CPEB3: variants seen among roughly 807,000 people sequenced by gnomAD.
The protein encoded by CPEB3 is cytoplasmic polyadenylation element binding protein 3, also known as cytoplasmic polyadenylation element-binding protein 3.
Under a neutral mutation model 67.2 loss-of-function variants are expected in CPEB3, and 20 were observed. The ratio of observed to expected loss-of-function variants is 0.30; its 90% confidence interval spans 0.21 to 0.43. CPEB3 has a LOEUF of 0.43. Ranked by LOEUF, CPEB3 falls within the 20% of genes least tolerant of loss-of-function variation. The pLI is 1.00. For synonymous variants in CPEB3, 376 were observed against 393.1 expected, an observed-to-expected ratio of 0.96 and a Z score of 0.51; for missense variants, 746 against 968.6, an observed-to-expected ratio of 0.77 and a Z score of 3.05.
chr10:92,051,832 T>A lies in CPEB3; in HGVS notation c.*380A>T, dbSNP rs147021258. 9 of 166,032 alleles carry A rather than the reference T, an allele frequency of 5.4e-5. No homozygotes were observed. In the East Asian group the frequency reaches 1.4e-3, roughly 25 times the overall value. 10.3% of individuals were successfully genotyped at this position (166,032 alleles called of 1,614,324 possible). A position where few individuals can be genotyped will look rare whatever the true frequency, so the allele number is the denominator to read the frequency against. On this transcript the variant is annotated 3_prime_UTR_variant, in exon 10 of 10. Transcript: ENST00000265997. ...TCTGAAAATAAGTGCATGCTCCAGT[T>A]CAAAACAATCAGAACAACACCACAA...
chr10:92,155,895 C>T (rs545234530), intron 4 of CPEB3, among the ~76,000 whole-genome samples: 36 of 151,846 alleles, frequency 2.4e-4, no homozygotes, highest in Middle Eastern at 3.4e-3. Flanking sequence ...AAACTATAGG[C>T]GACTTTATAT....
intron 4 of CPEB3, among the ~76,000 whole-genome samples, chr10:92,175,082 CAT>C (rs1376646214): frequency 6.6e-6 from 1 of 151,916 alleles, no homozygotes; most frequent in African/African-American, 2.4e-5. Context: ...AACTAGATGC[CAT>C]CATTACACAT....
At chr10:92,052,757 G>A (rs1198187498) in intron 9 of CPEB3, among the ~76,000 whole-genome samples, 1 of 152,226 alleles carries the variant, frequency 6.6e-6, no homozygotes, top group Non-Finnish European at 1.5e-5. Flanking sequence ...GGGTATAACA[G>A]TGTTTACATC....
intron 1 of CPEB3, among the ~76,000 whole-genome samples, chr10:92,267,035 C>CA (rs369359905): frequency 4.5e-4 from 63 of 140,524 alleles, no homozygotes; most frequent in South Asian, 4.5e-4. Flanking sequence ...ACTTCATCTC[C>CA]AAAAAAAAAA....
At chr10:92,102,256 C>A (rs76176398) in intron 7 of CPEB3, among the ~76,000 whole-genome samples, 395 of 152,266 alleles carry the variant, frequency 2.6e-3, no homozygotes, top group Non-Finnish European at 4.6e-3. Context: ...TTCAGTCAGA[C>A]CTCCGTCAGG....
chr10:92,290,263 T>C (rs1446295686), intron 1 of CPEB3, among the ~76,000 whole-genome samples: 2 of 152,040 alleles, frequency 1.3e-5, no homozygotes, highest in Non-Finnish European at 2.9e-5. Flanking sequence ...AGCCGACAGC[T>C]CTTTCCTCCC....
intron 7 of CPEB3, among the ~76,000 whole-genome samples, chr10:92,097,029 G>A (rs908239921): frequency 6.6e-6 from 1 of 152,134 alleles, no homozygotes; most frequent in African/African-American, 2.4e-5. Flanking sequence ...CTTATGGTAG[G>A]GGTCACACAA....
intron 7 of CPEB3, among the ~76,000 whole-genome samples, chr10:92,102,505 C>A (rs1201749896): frequency 1.3e-5 from 2 of 152,224 alleles, no homozygotes; most frequent in Non-Finnish European, 2.9e-5. Context: ...CATCACCAGG[C>A]TGCAGAGCCT....
chr10:92,059,631 A>G (rs1842261664), intron 9 of CPEB3, among the ~76,000 whole-genome samples: 1 of 152,178 alleles, frequency 6.6e-6, no homozygotes, highest in Non-Finnish European at 1.5e-5. Flanking sequence ...CAGAGTAGAA[A>G]TAAAATGCAA....
intron 2 of CPEB3, chr10:92,216,743 G>A: frequency 6.2e-7 from 1 of 1,609,476 alleles, no homozygotes; most frequent in Non-Finnish European, 8.5e-7. Context: ...GTACCAGGAG[G>A]CTTACGACGA....
intron 4 of CPEB3, among the ~76,000 whole-genome samples, chr10:92,178,704 T>TA (rs1290205360): frequency 6.6e-6 from 1 of 151,964 alleles, no homozygotes; most frequent in Non-Finnish European, 1.5e-5. Context: ...ATACATATTT[T>TA]AAAAAAGAAG....
In CPEB3 at chr10:92,191,410, TA is replaced by T. The variant is rs199904338; in HGVS notation, c.1165+1066del. ...AATAAAAAATAAAAAAAATAAAAAATAAAAAAAAAATAAACTCACTTTCCCC... is the reference window on the plus strand; with the variant it reads ...AATAAAAAATAAAAAAAATAAAAAATAAAAAAAAATAAACTCACTTTCCCC... On this transcript the variant is annotated intron_variant, in intron 3 of 9. Coordinates refer to ENST00000265997, the MANE Select transcript of CPEB3 (RefSeq NM_014912.5). 9.9e-4 allele frequency among the ~76,000 whole-genome samples: 148 copies of T among 149,124 alleles called. No individual in the cohort carries two copies. The East Asian group carries it at 0.018, about 18-fold the overall frequency.
chr10:92,081,229 C>T lies in CPEB3; in HGVS notation c.1869+91G>A, dbSNP rs187016568. Reference sequence around the variant, plus strand: ...ATGCCATGCAAGGTAGAGCTGGTCACTTATGATCATAAGGTGCCTTTCTTC... The same window carrying T: ...ATGCCATGCAAGGTAGAGCTGGTCATTTATGATCATAAGGTGCCTTTCTTC... On this transcript the variant is annotated intron_variant, in intron 9 of 9. Coordinates refer to ENST00000265997, the MANE Select transcript of CPEB3 (RefSeq NM_014912.5). 2.8e-5 allele frequency: 39 copies of T among 1,378,520 alleles called. No individual in the cohort carries two copies. The African/African-American group carries it at 5.4e-4, about 19-fold the overall frequency. 85.4% of individuals were successfully genotyped at this position (1,378,520 alleles called of 1,614,324 possible).
At chr10:92,261,949 T>C (rs557897722) in intron 1 of CPEB3, among the ~76,000 whole-genome samples, 11 of 152,326 alleles carry the variant, frequency 7.2e-5, no homozygotes, top group Middle Eastern at 3.4e-3. Context: ...ACTACAAGTC[T>C]CCCAATGGTT....
intron 2 of CPEB3, among the ~76,000 whole-genome samples, chr10:92,223,972 G>A (rs1850839113): frequency 6.6e-6 from 1 of 151,764 alleles, no homozygotes; most frequent in Non-Finnish European, 1.5e-5. Flanking sequence ...TGGTCTCTTT[G>A]GCCAGGTTGG....
chr10:92,227,710 G>C (rs1048939319), intron 2 of CPEB3, among the ~76,000 whole-genome samples: 2 of 150,386 alleles, frequency 1.3e-5, no homozygotes, highest in Admixed American at 1.3e-4. Context: ...TCCTGCCTCA[G>C]CCTCCCGAGT....
chr10:92,284,571 C>T (rs919481233), intron 1 of CPEB3, among the ~76,000 whole-genome samples: 2 of 152,082 alleles, frequency 1.3e-5, no homozygotes, highest in East Asian at 3.8e-4. Context: ...GAATGTTCTT[C>T]CCTCTTCCCT....
chr10:92,150,910 G>A (rs887134227), intron 4 of CPEB3, among the ~76,000 whole-genome samples: 36 of 152,228 alleles, frequency 2.4e-4, no homozygotes, highest in African/African-American at 8.2e-4. Context: ...TTCAATAAAA[G>A]CAGGAGAAAG....
intron 5 of CPEB3, among the ~76,000 whole-genome samples, chr10:92,143,775 T>C (rs1200428085): frequency 1.3e-5 from 2 of 152,200 alleles, no homozygotes; most frequent in African/African-American, 4.8e-5. Context: ...GCCATGATCT[T>C]AAAAATTGTC....
Sources: allele counts gnomAD v4.1 joint callset (sites outside exome capture counted in the v4.1 genomes callset), GRCh38; gene constraint gnomAD v4.1.1; transcripts MANE v1.5; gene names NCBI Gene and HGNC (gene_info 2026-07-23, HGNC 2026-07-21).